SUPT5H: variants seen among roughly 807,000 people sequenced by gnomAD.
SUPT5H encodes the protein transcription elongation factor SPT5.
A neutral mutation model predicts 142.5 loss-of-function variants in SUPT5H; 24 were observed. That is an observed-to-expected ratio of 0.17 (90% CI 0.12 to 0.24). The LOEUF (loss-of-function observed/expected upper bound fraction) is 0.24, where lower values mean the gene tolerates loss of function less well. Ranked by LOEUF, SUPT5H falls within the 10% of genes least tolerant of loss-of-function variation. The pLI, the probability that SUPT5H is intolerant of heterozygous loss-of-function variation, is 1.00. For synonymous variants in SUPT5H, 546 were observed against 553.0 expected (o/e 0.99, Z 0.18); for missense variants, 893 against 1,471.8 (o/e 0.61, Z 6.43).
At chr19:39,460,123 T>G (rs2079142688) in intron 10 of SUPT5H, 163 bp downstream of exon 10, 1 of 679,186 alleles carries the variant, frequency 1.5e-6, no homozygotes, top group Non-Finnish European at 2.6e-6. Flanking sequence ...GGAAGGGCTC[T>G]TCTCGGCCTA....
chr19:39,464,857 G>A lies in SUPT5H; in HGVS notation c.684G>A (p.Glu228=), dbSNP rs1436090697. ...PEHVKGYIYV[E]AYKQTHVKQA... ...ATGTGAAGGGCTACATCTACGTGGAGGCCTACAAGCAGACCCACGTGAAGC... is the reference window on the plus strand; with the variant it reads ...ATGTGAAGGGCTACATCTACGTGGAAGCCTACAAGCAGACCCACGTGAAGC... The change falls in exon 11 of 30, where the codon GAG becomes GAA. Residue 228 remains glutamate (E), a synonymous_variant. Transcript: ENST00000432763. 6.2e-7 allele frequency: 1 copy of A among 1,614,216 alleles called. No individual in the cohort carries two copies. Among genetic ancestry groups the A allele is most frequent in the Admixed American group, 1.7e-5 (1 of 60,026 alleles).
chr19:39,469,978 G>A lies in SUPT5H; in HGVS notation c.1375-141G>A. The A allele has an allele frequency of 8.9e-7, 1 of 1,124,912 alleles. No homozygotes were observed. Among genetic ancestry groups the A allele is most frequent in the Non-Finnish European group, 1.3e-6 (1 of 789,216 alleles). 69.7% of individuals were successfully genotyped at this position (1,124,912 alleles called of 1,614,324 possible). The stretch of plus-strand genomic sequence containing the variant: ...GGGCAGTCTGAGGGGTCGTCCAGGT[G>A]GACTAAGGTAGTCTGGGGTGGGTGG... On this transcript the variant is annotated intron_variant, in intron 16 of 29. Transcript: ENST00000432763. This position sits in a 1 kb window ranked among gnomAD's most constrained non-coding sequence, Gnocchi z 5.1.
intron 3 of SUPT5H, among the ~76,000 whole-genome samples, chr19:39,457,139 TG>T (rs1406488580): frequency 6.6e-6 from 1 of 152,204 alleles, no homozygotes; most frequent in African/African-American, 2.4e-5. Flanking sequence ...GCTGAGTCTG[TG>T]GGCAAGTTCC....
At position 39,449,479 on chromosome 19, in the gene SUPT5H, G is replaced by C. The variant is rs112561951; in HGVS notation, c.75+3514G>C. Among the ~76,000 whole-genome samples, 253 of 152,240 alleles carry C rather than the reference G, an allele frequency of 1.7e-3. 1 individual carries two copies. The highest frequency in any genetic ancestry group is 5.7e-3 in the African/African-American group (237 of 41,540). On this transcript the variant is annotated intron_variant, in intron 2 of 29. Coordinates refer to ENST00000432763, the MANE Select transcript of SUPT5H (RefSeq NM_001111020.3). ...CTTGGCCTTGGGCTGGGTGATGTTG[G>C]GGGACCCAGCAGTGCCTGAGATGGA...
At chr19:39,468,617 C>G in intron 13 of SUPT5H, 139 bp from the exon 14 acceptor site, 2 of 696,918 alleles carry the variant, frequency 2.9e-6, no homozygotes, top group East Asian at 5.4e-5. Context: ...TCACTGCTGC[C>G]AAGAGGGTGT....
chr19:39,462,136 C>T (rs931413713), intron 10 of SUPT5H, among the ~76,000 whole-genome samples: 3 of 152,118 alleles, frequency 2.0e-5, no homozygotes, highest in East Asian at 3.9e-4. Flanking sequence ...TCTTGAACTC[C>T]TGGCTCAAGT....
Position 39,466,729 on chromosome 19 carries a change from G to A in SUPT5H, c.1021G>A (p.Asp341Asn). The A allele has an allele frequency of 6.2e-7, 1 of 1,614,150 alleles. No homozygotes were observed. Among genetic ancestry groups the A allele is most frequent in the Non-Finnish European group, 8.5e-7 (1 of 1,179,986 alleles). Residue 341 changes from aspartate (D) to asparagine (N), a missense_variant, in exon 13 of 30, where the codon GAT becomes AAT. Physicochemically the swap from Asp to Asn is conservative, Grantham distance 23. Around this residue, in one of 6 missense-constraint regions of SUPT5H, gnomAD observed 428 missense variants for 763.5 expected, o/e 0.56. Transcript: ENST00000432763. This position sits in a 1 kb window ranked among gnomAD's most constrained non-coding sequence, Gnocchi z 4.3. ...TAAGCGGCCTCCACAGAGGCTGTTT[G>A]ATGCTGAGAAGATCAGGTGCGTGTC... is the stretch of plus-strand genomic sequence containing the variant. ...KFKRPPQRLF[D>N]AEKIRSLGGD...
At position 39,463,955 on chromosome 19, in the gene SUPT5H, G is replaced by A. The variant is rs146552584; in HGVS notation, c.625-843G>A. On this transcript the variant is annotated intron_variant, in intron 10 of 29. Coordinates refer to ENST00000432763, the MANE Select transcript of SUPT5H (RefSeq NM_001111020.3). ...TTAAAGTATATTTTGTCTGATGTAA[G>A]CACTCCTTTCTTGGTTCTTCTTCTA... Among the ~76,000 whole-genome samples the A allele has an allele frequency of 3.3e-3, 498 of 150,964 alleles. 1 individual carries two copies. Among genetic ancestry groups the A allele is most frequent in the African/African-American group, 0.012 (477 of 41,168 alleles).
In SUPT5H at chr19:39,476,517, T is replaced by C; in HGVS notation, c.*118T>C. Reference sequence around the variant, plus strand: ...AGGCGGATTGTTCTGGATTTCCTTTTGTTTTTCCTTTTAGTTTTCCATCTT... The same window carrying C: ...AGGCGGATTGTTCTGGATTTCCTTTCGTTTTTCCTTTTAGTTTTCCATCTT... On this transcript the variant is annotated 3_prime_UTR_variant, in exon 30 of 30. Coordinates refer to ENST00000432763, the MANE Select transcript of SUPT5H (RefSeq NM_001111020.3). 1.5e-6 allele frequency: 2 copies of C among 1,364,280 alleles called. No homozygotes were observed. The highest frequency in any genetic ancestry group is 2.0e-6 in the Non-Finnish European group (2 of 1,005,844). 84.5% of individuals were successfully genotyped at this position (1,364,280 alleles called of 1,614,324 possible).
Position 39,460,068 on chromosome 19 carries a change from C to T in SUPT5H, c.624+108C>T, listed in dbSNP as rs539777827. The T allele has an allele frequency of 1.7e-4, 194 of 1,140,026 alleles. 1 individual carries two copies. In the African/African-American group the frequency reaches 2.5e-3, roughly 14 times the overall value. 70.6% of individuals were successfully genotyped at this position (1,140,026 alleles called of 1,614,324 possible). On this transcript the variant is annotated intron_variant, in intron 10 of 29. Transcript: ENST00000432763. ...GTGCCTCTGTTGTGAGCAGAGCTGC[C>T]TGCTGAGTGAGCTGCTTGAGCTGGA...
intron 29 of SUPT5H, 22 bp downstream of exon 29, chr19:39,476,198 A>G (rs1174264431): frequency 1.2e-6 from 2 of 1,613,890 alleles, no homozygotes; most frequent in Non-Finnish European, 1.7e-6. Context: ...GGGCAAGGAG[A>G]TAAGATGGGG....
Position 39,474,558 on chromosome 19 carries a change from C to T in SUPT5H, c.2864C>T (p.Pro955Leu). Residue 955 changes from proline to leucine, a missense_variant, in exon 28 of 30, where the codon CCT (proline) becomes CTT (leucine). Physicochemically the swap from Pro to Leu is moderately conservative, Grantham distance 98. Transcript: ENST00000432763. This position sits in a 1 kb window ranked among gnomAD's most constrained non-coding sequence, Gnocchi z 6.5. ...PSPVGYSPMT[P>L]GAPSPGGYNP... ...CCCGTTGGCTACAGTCCTATGACAC[C>T]TGGAGCTCCCTCCCCTGGTGGCTAC... 6.2e-7 allele frequency: 1 copy of T among 1,614,238 alleles called. No individual in the cohort carries two copies. The highest frequency in any genetic ancestry group is 8.5e-7 in the Non-Finnish European group (1 of 1,180,052).
intron 2 of SUPT5H, among the ~76,000 whole-genome samples, chr19:39,451,622 C>T (rs894183591): frequency 6.6e-6 from 1 of 152,146 alleles, no homozygotes; most frequent in African/African-American, 2.4e-5. Context: ...ACCTTCACCT[C>T]CCAGTTTCAA....
At position 39,474,577 on chromosome 19, in the gene SUPT5H, T is replaced by C. The variant is rs770238605; in HGVS notation, c.2883T>C (p.Gly961=). ...TGACACCTGGAGCTCCCTCCCCTGG[T>C]GGCTACAACCCACACACGCCAGGCT... The part of the protein sequence containing the change: ...SPMTPGAPSP[G]GYNPHTPGSG... Residue 961 remains glycine (G), a synonymous_variant, in exon 28 of 30, where the codon GGT becomes GGC. Transcript: ENST00000432763. This position sits in a 1 kb window ranked among gnomAD's most constrained non-coding sequence, Gnocchi z 6.5. 1.2e-6 allele frequency: 2 copies of C among 1,614,200 alleles called. No individual in the cohort carries two copies. The highest frequency in any genetic ancestry group is 2.2e-5 in the South Asian group (2 of 91,092).
intron 2 of SUPT5H, among the ~76,000 whole-genome samples, chr19:39,452,450 A>T (rs1042821557): frequency 6.6e-6 from 1 of 152,170 alleles, no homozygotes; most frequent in Non-Finnish European, 1.5e-5. Flanking sequence ...GAGGAGCTTG[A>T]AGAGGAGCTG....
intron 28 of SUPT5H, chr19:39,475,806 C>T (rs1210719103): frequency 2.7e-5 from 12 of 448,900 alleles, no homozygotes; most frequent in Non-Finnish European, 4.0e-5. Context: ...GTGGGGAAGA[C>T]GCTGAGGCCA....
chr19:39,457,809 T>TC, intron 4 of SUPT5H, 69 bp downstream of exon 4: 1 of 1,609,780 alleles, frequency 6.2e-7, no homozygotes, highest in Non-Finnish European at 8.5e-7. Flanking sequence ...CAGAGCCCAT[T>TC]CCCCCGACCC....
At position 39,469,260 on chromosome 19, in the gene SUPT5H, A is replaced by G; in HGVS notation, c.1238-2A>G. 1 of 1,614,168 alleles carries G rather than the reference A, an allele frequency of 6.2e-7. No homozygotes were observed. ...GAGTCAGCCCTACGACTGCCCCTGC[A>G]GGGAAGGAGCGGGAGCACAACTTCC... On this transcript the variant is annotated splice_acceptor_variant, in intron 15 of 29. Coordinates refer to ENST00000432763, the MANE Select transcript of SUPT5H (RefSeq NM_001111020.3). LOFTEE classifies it high-confidence loss of function. The surrounding 1 kb of genome is among the most constrained non-coding windows in gnomAD (Gnocchi z 5.1).
intron 3 of SUPT5H, among the ~76,000 whole-genome samples, chr19:39,454,419 A>G (rs954957090): frequency 1.4e-5 from 2 of 146,142 alleles, no homozygotes; most frequent in African/African-American, 5.1e-5. Context: ...GCGATGGCTC[A>G]CTGCAACCTC....
Sources: gnomAD v4.1 joint callset for allele counts (sites outside exome capture counted in the v4.1 genomes callset) on GRCh38, gnomAD v4.1.1 for gene constraint, gnomAD v4.1.1 regional missense constraint, Gnocchi (gnomAD v3.1) non-coding constraint, MANE v1.5 for transcripts, NCBI Gene and HGNC (gene_info 2026-07-23, HGNC 2026-07-21) for gene names.